The following GPC6 variants were observed in gnomAD, a reference collection of about 807,000 sequenced individuals.
The protein encoded by GPC6 is glypican 6.
A neutral mutation model predicts 55.2 loss-of-function variants in GPC6; 14 were observed. The observed-to-expected ratio is 0.25, with a 90% CI of 0.17 to 0.40. GPC6 has a LOEUF of 0.40. Among genes scored for constraint, GPC6 ranks in the 10% least tolerant of loss-of-function variants. GPC6 has a pLI of 1.00. For missense variants in GPC6, 641 were observed against 708.5 expected (o/e 0.90, Z 1.08); for synonymous variants, 278 against 259.6 (o/e 1.07, Z -0.68).
intron 1 of GPC6, among the ~76,000 whole-genome samples, chr13:93,433,262 T>C (rs1409562921): frequency 6.6e-6 from 1 of 152,142 alleles, no homozygotes; most frequent in Non-Finnish European, 1.5e-5. Context: ...TAGGAAATAT[T>C]GGTATGAATT....
chr13:94,380,922 G>C (rs1203931239), intron 6 of GPC6, among the ~76,000 whole-genome samples: 1 of 152,130 alleles, frequency 6.6e-6, no homozygotes, highest in Non-Finnish European at 1.5e-5. Context: ...TTGATGAGTA[G>C]AGGCCAGCTG....
At chr13:93,712,507 C>A in intron 2 of GPC6, among the ~76,000 whole-genome samples, 1 of 151,736 alleles carries the variant, frequency 6.6e-6, no homozygotes, top group Admixed American at 6.6e-5. Flanking sequence ...ATAATCTGAT[C>A]AAATGATGGT....
At chr13:94,364,331 C>T (rs571584687) in intron 6 of GPC6, among the ~76,000 whole-genome samples, 3 of 152,250 alleles carry the variant, frequency 2.0e-5, no homozygotes, top group South Asian at 2.1e-4. Context: ...CAGAGTAAAT[C>T]GTACTCCCTG....
intron 6 of GPC6, among the ~76,000 whole-genome samples, chr13:94,380,758 T>C (rs1880120858): frequency 6.6e-6 from 1 of 152,182 alleles, no homozygotes; most frequent in Admixed American, 6.5e-5. Flanking sequence ...AGCATACAAA[T>C]TTTGCCCACT....
intron 2 of GPC6, among the ~76,000 whole-genome samples, chr13:93,581,866 T>C (rs1407472455): frequency 6.6e-6 from 1 of 152,200 alleles, no homozygotes; most frequent in Admixed American, 6.5e-5. Flanking sequence ...TTCTTTTTCT[T>C]TGAAGCAAAT....
intron 4 of GPC6, among the ~76,000 whole-genome samples, chr13:94,256,285 T>G (rs1029042516): frequency 6.6e-6 from 1 of 152,134 alleles, no homozygotes; most frequent in East Asian, 1.9e-4. Context: ...TAAAGAAGAT[T>G]TGTGTCTCAG....
At chr13:93,985,539 T>TA (rs902096448) in intron 3 of GPC6, among the ~76,000 whole-genome samples, 4 of 149,872 alleles carry the variant, frequency 2.7e-5, no homozygotes, top group South Asian at 2.1e-4. Context: ...ACCAAAAAAC[T>TA]AAAAAAAGGG....
intron 2 of GPC6, among the ~76,000 whole-genome samples, chr13:93,570,550 AG>A (rs2139473656): frequency 6.6e-6 from 1 of 152,300 alleles, no homozygotes; most frequent in African/African-American, 2.4e-5. Context: ...TGAGAGACAA[AG>A]AGAGCATATA....
At chr13:93,982,933 G>A (rs1880870587) in intron 3 of GPC6, among the ~76,000 whole-genome samples, 1 of 152,142 alleles carries the variant, frequency 6.6e-6, no homozygotes. Context: ...AATTCCTACT[G>A]AAGTCTAAAG....
chr13:94,277,871 T>C (rs1454399090), intron 4 of GPC6, among the ~76,000 whole-genome samples: 1 of 152,222 alleles, frequency 6.6e-6, no homozygotes, highest in African/African-American at 2.4e-5. Flanking sequence ...GCATGATGCC[T>C]CCAGCTTTGT....
intron 1 of GPC6, among the ~76,000 whole-genome samples, chr13:93,354,138 T>A (rs561217617): frequency 5.9e-5 from 9 of 152,130 alleles, no homozygotes; most frequent in Non-Finnish European, 1.2e-4. Flanking sequence ...TGACCATTAG[T>A]TTACCTCCCA....
intron 2 of GPC6, among the ~76,000 whole-genome samples, chr13:93,564,871 A>G (rs535334371): frequency 6.6e-6 from 1 of 152,258 alleles, no homozygotes; most frequent in Admixed American, 6.5e-5. Flanking sequence ...CCCTAAGTCT[A>G]TTTGTTAATT....
At chr13:93,957,943 T>C (rs1879580312) in intron 3 of GPC6, among the ~76,000 whole-genome samples, 1 of 152,230 alleles carries the variant, frequency 6.6e-6, no homozygotes, top group Admixed American at 6.5e-5. Context: ...GTGGTTTTGA[T>C]TTGCATTTCT....
rs1555305226 is a variant in GPC6, at chr13:94,186,080, A to AAAAAAAT, written c.878-100269_878-100268insAAAAAAT. Among the ~76,000 whole-genome samples, 616 of 149,238 alleles carry AAAAAAAT rather than the reference A, an allele frequency of 4.1e-3. 12 individuals carry two copies. Among genetic ancestry groups the AAAAAAAT allele is most frequent in the Non-Finnish European group, 6.5e-3 (438 of 67,022 alleles). On this transcript the variant is annotated intron_variant, in intron 4 of 8. Transcript: ENST00000377047. ...GTCTCCAAAAAAAAAAAAAAAAAAA[A>AAAAAAAT]GGTTTTCTTACTGAGAAATTATTTT...
chr13:93,977,471 T>G (rs1311371401), intron 3 of GPC6, among the ~76,000 whole-genome samples: 1 of 18,064 alleles, frequency 5.5e-5, no homozygotes, highest in Non-Finnish European at 1.1e-4. Flanking sequence ...ACAAGGGGTG[T>G]GTGTGTGTGT....
At chr13:93,863,245 A>C (rs1481214898) in intron 3 of GPC6, among the ~76,000 whole-genome samples, 5 of 151,672 alleles carry the variant, frequency 3.3e-5, no homozygotes, top group Non-Finnish European at 7.4e-5. Context: ...ATTTTATTTG[A>C]ACACAGTCAC....
intron 2 of GPC6, among the ~76,000 whole-genome samples, chr13:93,581,359 A>C (rs1175717010): frequency 6.6e-6 from 1 of 152,240 alleles, no homozygotes; most frequent in Admixed American, 6.5e-5. Flanking sequence ...GTAAACTTAG[A>C]ATTAGAGCCC....
chr13:93,234,917 G>A (rs910573540), intron 1 of GPC6, among the ~76,000 whole-genome samples: 1 of 152,098 alleles, frequency 6.6e-6, no homozygotes, highest in Admixed American at 6.5e-5. Flanking sequence ...AGGATCAGAT[G>A]AATTGCTAAC....
intron 1 of GPC6, among the ~76,000 whole-genome samples, chr13:93,467,575 CTTTTTTTTTTTTT>C (rs11426472): frequency 1.4e-5 from 1 of 74,020 alleles, no homozygotes; most frequent in East Asian, 4.4e-4. Flanking sequence ...AGCTGTGATT[CTTTTTTTTTTTTT>C]TTTTTTTTTT....
Sources: allele counts gnomAD v4.1 joint callset (sites outside exome capture counted in the v4.1 genomes callset), GRCh38; gene constraint gnomAD v4.1.1; transcripts MANE v1.5; gene names NCBI Gene and HGNC (gene_info 2026-07-23, HGNC 2026-07-21).